NBAS: variants seen among roughly 807,000 people sequenced by gnomAD.
The protein encoded by NBAS is NAG/BC035112 fusion.
Under a neutral mutation model 302.5 loss-of-function variants are expected in NBAS, and 219 were observed. That is an observed-to-expected ratio of 0.72 (90% CI 0.65 to 0.81). The LOEUF (loss-of-function observed/expected upper bound fraction) is 0.81, where lower values mean the gene tolerates loss of function less well. Ranked by LOEUF, NBAS falls within the 30% of genes least tolerant of loss-of-function variation. NBAS has a pLI of 0.00. For missense variants in NBAS, 2,932 were observed against 2,841.6 expected, an observed-to-expected ratio of 1.03 and a Z score of -0.72; for synonymous variants, 1,118 against 1,021.6, an observed-to-expected ratio of 1.09 and a Z score of -1.80.
chr2:15,076,249 T>C, the NBAS span, among the ~76,000 whole-genome samples: 1 of 152,188 alleles, frequency 6.6e-6, no homozygotes, highest in African/African-American at 2.4e-5. Flanking sequence ...AAGTTTGGCA[T>C]TGAAAACCCA....
chr2:14,924,155 AT>A, the NBAS span, among the ~76,000 whole-genome samples: 1 of 152,338 alleles, frequency 6.6e-6, no homozygotes, highest in Admixed American at 6.5e-5. Flanking sequence ...GAGTAAAGAG[AT>A]TTTGAATGAT....
chr2:15,218,338 A>ATG (rs1666747497), intron 48 of NBAS, among the ~76,000 whole-genome samples: 1 of 76,682 alleles, frequency 1.3e-5, no homozygotes, highest in African/African-American at 6.6e-5. Flanking sequence ...TAGCTGATTG[A>ATG]TATATATACT....
In NBAS at chr2:15,257,439, C is replaced by G. The variant is rs1302478042; in HGVS notation, c.5724+18045G>C. On this transcript the variant is annotated intron_variant, in intron 44 of 51. Coordinates refer to ENST00000281513, the MANE Select transcript of NBAS (RefSeq NM_015909.4). Reference sequence around the variant, plus strand: ...TTTGAGTCTCTCTCTGTCACTCACCCTGGAGTGCAGTGGCACAATCTTGGT... The same window carrying G: ...TTTGAGTCTCTCTCTGTCACTCACCGTGGAGTGCAGTGGCACAATCTTGGT... 3.3e-5 allele frequency among the ~76,000 whole-genome samples: 5 copies of G among 151,328 alleles called. No homozygotes were observed. The East Asian group carries it at 9.7e-4, about 29-fold the overall frequency.
At chr2:15,049,248 C>T in the NBAS span, among the ~76,000 whole-genome samples, 1 of 152,248 alleles carries the variant, frequency 6.6e-6, no homozygotes, top group East Asian at 1.9e-4. Flanking sequence ...TCAGGTGGCA[C>T]CTGTTCCTGG....
intron 35 of NBAS, among the ~76,000 whole-genome samples, chr2:15,346,918 A>G (rs1261413145): frequency 6.6e-6 from 1 of 152,124 alleles, no homozygotes; most frequent in Admixed American, 6.5e-5. Flanking sequence ...ACAAAACACC[A>G]CATGTTCTCA....
chr2:15,219,660 G>C (rs1666837621), intron 47 of NBAS, among the ~76,000 whole-genome samples: 1 of 138,976 alleles, frequency 7.2e-6, no homozygotes, highest in Non-Finnish European at 1.5e-5. Flanking sequence ...CAGATCAACA[G>C]GATCCCAAGG....
At chr2:15,046,407 T>G in the NBAS span, among the ~76,000 whole-genome samples, 1 of 152,224 alleles carries the variant, frequency 6.6e-6, no homozygotes, top group African/African-American at 2.4e-5. Flanking sequence ...GAAATGTTTT[T>G]AATCATTGTA....
intron 10 of NBAS, among the ~76,000 whole-genome samples, chr2:15,506,750 C>T (rs1404770119): frequency 6.6e-6 from 1 of 151,864 alleles, no homozygotes; most frequent in Non-Finnish European, 1.5e-5. Context: ...AAAGTAGACA[C>T]CAATGTACAA....
At chr2:15,098,888 T>A in the NBAS span, among the ~76,000 whole-genome samples, 10 of 151,248 alleles carry the variant, frequency 6.6e-5, no homozygotes, top group Admixed American at 6.7e-4. Flanking sequence ...ATGACACAGA[T>A]CCTGGGATCC....
At chr2:15,365,499 A>G (rs962574422) in intron 32 of NBAS, among the ~76,000 whole-genome samples, 5 of 152,330 alleles carry the variant, frequency 3.3e-5, no homozygotes, top group African/African-American at 1.2e-4. Flanking sequence ...AACTAAAGTA[A>G]TTTAGCAAAT....
intron 19 of NBAS, among the ~76,000 whole-genome samples, chr2:15,466,979 T>G (rs11680044): frequency 0.61 from 91,120 of 150,402 alleles, 28,558 homozygotes; most frequent in Non-Finnish European, 0.68. Context: ...GTCAGAAATA[T>G]TCACATTAAA....
the NBAS span, among the ~76,000 whole-genome samples, chr2:15,110,474 A>G: frequency 2.0e-5 from 3 of 152,180 alleles, no homozygotes; most frequent in Admixed American, 2.0e-4. Flanking sequence ...ATGTACAAAG[A>G]TGGACAGCAA....
the NBAS span, among the ~76,000 whole-genome samples, chr2:15,082,532 A>C: frequency 6.6e-6 from 1 of 152,146 alleles, no homozygotes; most frequent in South Asian, 2.1e-4. Flanking sequence ...CCAGCTCCTG[A>C]CCCAGTTTGG....
At chr2:15,474,851 G>A (rs1290512336) in intron 14 of NBAS, among the ~76,000 whole-genome samples, 1 of 152,148 alleles carries the variant, frequency 6.6e-6, no homozygotes, top group Non-Finnish European at 1.5e-5. Flanking sequence ...GTGAGCCACT[G>A]AGCCCAGCCT....
chr2:14,958,168 T>C, the NBAS span, among the ~76,000 whole-genome samples: 1 of 152,240 alleles, frequency 6.6e-6, no homozygotes, highest in Admixed American at 6.5e-5. Context: ...GAGTCCCATT[T>C]AATTGAAATT....
At chr2:15,430,918 T>C (rs1176575542) in intron 21 of NBAS, among the ~76,000 whole-genome samples, 1 of 152,036 alleles carries the variant, frequency 6.6e-6, no homozygotes, top group Non-Finnish European at 1.5e-5. Context: ...GCAATTCTCC[T>C]GTCTCAGCCT....
At chr2:15,039,437 G>A in the NBAS span, among the ~76,000 whole-genome samples, 3 of 152,072 alleles carry the variant, frequency 2.0e-5, no homozygotes, top group Non-Finnish European at 4.4e-5. Flanking sequence ...TTTTTCACAG[G>A]CTCGTCAGTG....
At chr2:15,351,869 T>TGCACAC in intron 35 of NBAS, 123 bp downstream of exon 35, 1 of 644,850 alleles carries the variant, frequency 1.6e-6, no homozygotes. Flanking sequence ...GTGGTCTGCA[T>TGCACAC]GCACACACAC....
At chr2:15,096,723 C>T in the NBAS span, among the ~76,000 whole-genome samples, 12 of 152,162 alleles carry the variant, frequency 7.9e-5, no homozygotes. Flanking sequence ...GCCGCCTCTG[C>T]CTCAGTGGGT....
Sources: allele counts gnomAD v4.1 joint callset (sites outside exome capture counted in the v4.1 genomes callset), GRCh38; gene constraint gnomAD v4.1.1; transcripts MANE v1.5; gene names NCBI Gene and HGNC (gene_info 2026-07-23, HGNC 2026-07-21).